KIAA1549L: variants seen among roughly 807,000 people sequenced by gnomAD.
KIAA1549L encodes UPF0606 protein KIAA1549L.
Under a neutral mutation model 160.7 loss-of-function variants are expected in KIAA1549L, and 88 were observed. The observed-to-expected ratio is 0.55, with a 90% CI of 0.46 to 0.65. The LOEUF (loss-of-function observed/expected upper bound fraction) is 0.65. KIAA1549L is among the 30% of genes least tolerant of loss of function. KIAA1549L has a pLI of 0.00. For missense variants in KIAA1549L, 2,258 were observed against 2,437.5 expected, an observed-to-expected ratio of 0.93 and a Z score of 1.55; for synonymous variants, 950 against 976.7, an observed-to-expected ratio of 0.97 and a Z score of 0.51.
chr11:33,543,420 CCTTCCTTCAGGA>C lies in KIAA1549L; in HGVS notation c.1859_1870del (p.Leu620_Gly623del). ...TCATTACAGCACCAAGGACGAATCC[CCTTCCTTCAGGA>C]CCACCTCTACCTTCCATACTCTCCA... On this transcript the variant is annotated inframe_deletion, in exon 2 of 21. Transcript: ENST00000658780. 1 of 1,614,026 alleles carries C rather than the reference CCTTCCTTCAGGA, an allele frequency of 6.2e-7. No homozygotes were observed. Among genetic ancestry groups the C allele is most frequent in the African/African-American group, 1.3e-5 (1 of 75,058 alleles).
chr11:33,388,752 T>G (rs1434090908), intron 1 of KIAA1549L, among the ~76,000 whole-genome samples: 1 of 152,220 alleles, frequency 6.6e-6, no homozygotes, highest in East Asian at 1.9e-4. Context: ...GATTCAAACC[T>G]AGAGTTAAAA....
intron 9 of KIAA1549L, among the ~76,000 whole-genome samples, chr11:33,571,853 G>C (rs558379939): frequency 2.0e-5 from 3 of 152,004 alleles, no homozygotes; most frequent in African/African-American, 7.3e-5. Flanking sequence ...AATCGGTTTG[G>C]GCAAGGCTGC....
chr11:33,462,514 A>G (rs1303972664), intron 1 of KIAA1549L, among the ~76,000 whole-genome samples: 2 of 152,188 alleles, frequency 1.3e-5, no homozygotes, highest in Admixed American at 6.5e-5. Flanking sequence ...GAATTATGTA[A>G]TTCAACCTGT....
intron 13 of KIAA1549L, among the ~76,000 whole-genome samples, chr11:33,606,389 T>TA (rs1365589659): frequency 6.6e-6 from 1 of 152,242 alleles, no homozygotes; most frequent in East Asian, 1.9e-4. Flanking sequence ...GAATGGTTCT[T>TA]ACTGTTTAAA....
intron 9 of KIAA1549L, among the ~76,000 whole-genome samples, chr11:33,569,387 G>A (rs977603369): frequency 2.6e-5 from 4 of 152,142 alleles, no homozygotes; most frequent in Non-Finnish European, 5.9e-5. Context: ...TCTGGAGTGG[G>A]GACTTCCTAC....
chr11:33,539,744 C>T (rs533327908), intron 1 of KIAA1549L, among the ~76,000 whole-genome samples: 1 of 152,312 alleles, frequency 6.6e-6, no homozygotes, highest in Non-Finnish European at 1.5e-5. Flanking sequence ...TGACACTTGT[C>T]ATTTCTGCTT....
chr11:33,379,660 G>A (rs1396053695), intron 1 of KIAA1549L, among the ~76,000 whole-genome samples: 2 of 152,168 alleles, frequency 1.3e-5, no homozygotes, highest in Non-Finnish European at 2.9e-5. Context: ...CTGTTCACGG[G>A]CAGCTACTCA....
At chr11:33,409,768 T>C (rs1027202736) in intron 1 of KIAA1549L, among the ~76,000 whole-genome samples, 8 of 18,240 alleles carry the variant, frequency 4.4e-4, no homozygotes, top group Admixed American at 3.9e-3. Context: ...TCTCACCTCT[T>C]TTTTTTTTTT....
rs180949352 is a variant in KIAA1549L, at chr11:33,471,853, C to T, written c.239-69949C>T. ...GGTCCATCCTGGGTTGTACATTCTG[C>T]GAGTCTCTGAGCCCTTGGTTTCTTT... On this transcript the variant is annotated intron_variant, in intron 1 of 20. Coordinates refer to ENST00000658780, the MANE Select transcript of KIAA1549L (RefSeq NM_012194.3). Among the ~76,000 whole-genome samples the T allele has an allele frequency of 2.4e-4, 36 of 152,310 alleles. No individual in the cohort carries two copies. In the East Asian group the frequency reaches 5.6e-3, roughly 24 times the overall value.
chr11:33,529,346 AAATT>A (rs1051852134), intron 1 of KIAA1549L, among the ~76,000 whole-genome samples: 52 of 152,282 alleles, frequency 3.4e-4, no homozygotes, highest in African/African-American at 1.1e-3. Flanking sequence ...AAAAAAAAAA[AAATT>A]ATTATCACAG....
At chr11:33,638,612 T>C (rs1851507420) in intron 16 of KIAA1549L, among the ~76,000 whole-genome samples, 1 of 152,092 alleles carries the variant, frequency 6.6e-6, no homozygotes, top group Non-Finnish European at 1.5e-5. Context: ...GCCATAAACA[T>C]TTTCATGTGT....
intron 1 of KIAA1549L, among the ~76,000 whole-genome samples, chr11:33,383,276 T>TC (rs1462250108): frequency 1.3e-5 from 2 of 151,344 alleles, no homozygotes; most frequent in South Asian, 2.1e-4. Flanking sequence ...TTTCTTTCTT[T>TC]TTTTTTTTTT....
chr11:33,649,486 C>A (rs553799575), intron 17 of KIAA1549L, among the ~76,000 whole-genome samples: 119 of 135,912 alleles, frequency 8.8e-4, no homozygotes, highest in Non-Finnish European at 1.6e-3. Context: ...GGTAATAGAG[C>A]AAGACCTTGT....
chr11:33,601,426 A>G (rs1055840167), intron 13 of KIAA1549L, among the ~76,000 whole-genome samples: 1 of 152,244 alleles, frequency 6.6e-6, no homozygotes, highest in Non-Finnish European at 1.5e-5. Flanking sequence ...GAGTTTACCA[A>G]TAAAATCAAT....
intron 17 of KIAA1549L, among the ~76,000 whole-genome samples, chr11:33,647,605 CAT>C (rs1233492004): frequency 2.6e-5 from 4 of 151,994 alleles, no homozygotes; most frequent in Admixed American, 6.6e-5. Context: ...TTTAAAAAGA[CAT>C]AGTTTTATAA....
At chr11:33,572,144 C>T (rs1855282098) in intron 9 of KIAA1549L, among the ~76,000 whole-genome samples, 1 of 151,864 alleles carries the variant, frequency 6.6e-6, no homozygotes, top group Non-Finnish European at 1.5e-5. Context: ...TCAAGCGATT[C>T]TCCTGCCTCA....
At chr11:33,585,525 TAAAAAAA>T (rs1855785060) in intron 11 of KIAA1549L, among the ~76,000 whole-genome samples, 1 of 151,638 alleles carries the variant, frequency 6.6e-6, no homozygotes, top group Non-Finnish European at 1.5e-5. Flanking sequence ...TCTCAAAAAA[TAAAAAAA>T]TAAAAAATAA....
chr11:33,543,387 A>G lies in KIAA1549L; in HGVS notation c.1824A>G (p.Ser608=), dbSNP rs759072863. 2 of 1,613,900 alleles carry G rather than the reference A, an allele frequency of 1.2e-6. No individual in the cohort carries two copies. Among genetic ancestry groups the G allele is most frequent in the East Asian group, 2.2e-5 (1 of 44,884 alleles). Residue 608 remains serine, a synonymous_variant, in exon 2 of 21, where the codon TCA becomes TCG. Transcript: ENST00000658780. ...CTGATTTCAGCACCGGTAGTGTCTC[A>G]TCTCCCATCATTACAGCACCAAGGA... ...FVSDFSTGSV[S]SPIITAPRTN... is the part of the protein sequence containing the mutation.
chr11:33,444,057 T>C (rs911259852), intron 1 of KIAA1549L, among the ~76,000 whole-genome samples: 2 of 152,204 alleles, frequency 1.3e-5, no homozygotes, highest in African/African-American at 4.8e-5. Context: ...TTAGACAAGA[T>C]CTGCACTACC....
Sources: gnomAD v4.1 joint callset for allele counts (sites outside exome capture counted in the v4.1 genomes callset) on GRCh38, gnomAD v4.1.1 for gene constraint, MANE v1.5 for transcripts, NCBI Gene and HGNC (gene_info 2026-07-23, HGNC 2026-07-21) for gene names.